The following TMCC3 variants were observed in gnomAD, a reference collection of about 807,000 sequenced individuals.
The protein encoded by TMCC3 is transmembrane and coiled-coil domain family 3, also known as transmembrane and coiled-coil domain protein 3.
TMCC3 carries 28 observed loss-of-function variants against 40.2 expected under a neutral mutation model. That is an observed-to-expected ratio of 0.70 (90% CI 0.52 to 0.95). TMCC3 has a LOEUF of 0.95. Ranked by LOEUF, TMCC3 falls within the 40% of genes least tolerant of loss-of-function variation. TMCC3 has a pLI of 0.00. For synonymous variants in TMCC3, 255 were observed against 248.5 expected, an observed-to-expected ratio of 1.03 and a Z score of -0.25; for missense variants, 554 against 615.2, an observed-to-expected ratio of 0.90 and a Z score of 1.05.
chr12:94,631,469 G>A (rs2068933235), intron 1 of TMCC3, among the ~76,000 whole-genome samples: 1 of 152,116 alleles, frequency 6.6e-6, no homozygotes, highest in Admixed American at 6.5e-5. Flanking sequence ...ACACGTAGAG[G>A]GAAAATGATG....
intron 1 of TMCC3, among the ~76,000 whole-genome samples, chr12:94,623,634 C>A (rs2625939): frequency 1.3e-5 from 2 of 152,202 alleles, no homozygotes; most frequent in African/African-American, 4.8e-5. Flanking sequence ...GCTACACCCA[C>A]GTACAACTAC....
rs1566322314 is a variant in TMCC3, at chr12:94,597,157, ATGT to A, written c.79-14622_79-14620del. On this transcript the variant is annotated intron_variant, in intron 1 of 3. Coordinates refer to ENST00000261226, the MANE Select transcript of TMCC3 (RefSeq NM_020698.4). ...TATATATATATATATATATATATAT[ATGT>A]ATATAAATTAGCCAGGCCTGCTGGC... is the stretch of plus-strand genomic sequence containing the variant. Among the ~76,000 whole-genome samples, 36 of 23,948 alleles carry A rather than the reference ATGT, an allele frequency of 1.5e-3. No individual in the cohort carries two copies. In the South Asian group the frequency reaches 0.016, roughly 11 times the overall value. 15.7% of individuals were successfully genotyped at this position (23,948 alleles called of 152,430 possible). A position where few individuals can be genotyped will look rare whatever the true frequency, so the allele number is the denominator to read the frequency against.
chr12:94,581,463 C>T (rs2068600519), intron 2 of TMCC3, among the ~76,000 whole-genome samples, 159 bp downstream of exon 2: 1 of 152,070 alleles, frequency 6.6e-6, no homozygotes, highest in African/African-American at 2.4e-5. Context: ...AATCTCTCTG[C>T]AGTAACTCAT....
intron 3 of TMCC3, among the ~76,000 whole-genome samples, chr12:94,576,167 A>G (rs1249954055): frequency 6.6e-6 from 1 of 152,186 alleles, no homozygotes; most frequent in Non-Finnish European, 1.5e-5. Flanking sequence ...ACAGGGCCAG[A>G]AACCTCCCAA....
Position 94,650,553 on chromosome 12 carries a change from C to T in TMCC3, c.-123G>A, listed in dbSNP as rs2069052119. ...GGCGGCGCGGCTGCTGCAGCTGTTG[C>T]CTCTGGTGCCAACACCCGCGCGGCC... On this transcript the variant is annotated 5_prime_UTR_variant, in exon 1 of 4. Transcript: ENST00000261226. 2 of 778,314 alleles carry T rather than the reference C, an allele frequency of 2.6e-6. No individual in the cohort carries two copies. Among genetic ancestry groups the T allele is most frequent in the Non-Finnish European group, 3.4e-6 (2 of 589,574 alleles). 48.2% of individuals were successfully genotyped at this position (778,314 alleles called of 1,614,324 possible). A position where few individuals can be genotyped will look rare whatever the true frequency, so the allele number is the denominator to read the frequency against.
chr12:94,594,237 T>TGA (rs1333213559), intron 1 of TMCC3, among the ~76,000 whole-genome samples: 1 of 118,016 alleles, frequency 8.5e-6, no homozygotes, highest in Non-Finnish European at 1.8e-5. Context: ...ACACACAGAG[T>TGA]GAGAGAGAGA....
intron 1 of TMCC3, among the ~76,000 whole-genome samples, chr12:94,633,540 G>A (rs2138878335): frequency 6.6e-6 from 1 of 152,240 alleles, no homozygotes; most frequent in Middle Eastern, 3.4e-3. Context: ...TTTTCTCCAG[G>A]CACCAAACAT....
intron 2 of TMCC3, 70 bp downstream of exon 2, chr12:94,581,551 TA>T: frequency 9.1e-7 from 1 of 1,104,056 alleles, no homozygotes; most frequent in Non-Finnish European, 1.2e-6. Flanking sequence ...AATGAAAAAA[TA>T]AAATAACATA....
intron 1 of TMCC3, among the ~76,000 whole-genome samples, chr12:94,628,005 C>T (rs1265753252): frequency 1.3e-5 from 2 of 152,222 alleles, no homozygotes; most frequent in East Asian, 3.9e-4. Context: ...ATTTTAAGTA[C>T]AATCCACATC....
At chr12:94,631,106 C>A (rs2068931303) in intron 1 of TMCC3, among the ~76,000 whole-genome samples, 1 of 152,158 alleles carries the variant, frequency 6.6e-6, no homozygotes, top group South Asian at 2.1e-4. Flanking sequence ...ATTTTTATAA[C>A]ATTGATGGTT....
At chr12:94,589,412 C>T (rs534257843) in intron 1 of TMCC3, among the ~76,000 whole-genome samples, 10 of 151,936 alleles carry the variant, frequency 6.6e-5, no homozygotes, top group African/African-American at 1.9e-4. Flanking sequence ...GGGCCTCTAC[C>T]GTCTGGACGT....
chr12:94,645,765 G>A (rs1240646851), intron 1 of TMCC3, among the ~76,000 whole-genome samples: 1 of 152,114 alleles, frequency 6.6e-6, no homozygotes, highest in Non-Finnish European at 1.5e-5. Flanking sequence ...ATACTTACTG[G>A]TTGAGCATTC....
intron 1 of TMCC3, among the ~76,000 whole-genome samples, chr12:94,643,284 G>C (rs1192843638): frequency 6.6e-6 from 1 of 152,128 alleles, no homozygotes; most frequent in Admixed American, 6.5e-5. Flanking sequence ...TTCTGCAGGG[G>C]ACACAAGAAG....
intron 1 of TMCC3, among the ~76,000 whole-genome samples, chr12:94,632,060 C>T (rs1019435143): frequency 6.6e-6 from 1 of 152,182 alleles, no homozygotes; most frequent in Admixed American, 6.5e-5. Context: ...AAAAAGGCTG[C>T]GTATCACATG....
At position 94,626,426 on chromosome 12, in the gene TMCC3, T is replaced by C. The variant is rs191293523; in HGVS notation, c.78+23927A>G. On this transcript the variant is annotated intron_variant, in intron 1 of 3. Transcript: ENST00000261226. ...AACACAGAAACAAGAGTACATGTCT[T>C]CCCTGATTAGACTTATTTAAATTAA... is the stretch of plus-strand genomic sequence containing the variant. Among the ~76,000 whole-genome samples, 498 of 152,348 alleles carry C rather than the reference T, an allele frequency of 3.3e-3. 7 individuals are homozygous for C. Among genetic ancestry groups the C allele is most frequent in the African/African-American group, 0.011 (474 of 41,580 alleles).
intron 1 of TMCC3, among the ~76,000 whole-genome samples, chr12:94,622,246 C>T (rs753568299): frequency 2.1e-4 from 32 of 152,140 alleles, no homozygotes; most frequent in African/African-American, 7.7e-4. Context: ...GGAAACCAAA[C>T]CCCCCAAGCT....
chr12:94,621,312 C>T (rs1315138788), intron 1 of TMCC3, among the ~76,000 whole-genome samples: 1 of 152,212 alleles, frequency 6.6e-6, no homozygotes, highest in Non-Finnish European at 1.5e-5. Context: ...CTGGCTCCTT[C>T]GAGGAAGTGA....
chr12:94,590,087 T>C (rs1156657685), intron 1 of TMCC3, among the ~76,000 whole-genome samples: 1 of 108,914 alleles, frequency 9.2e-6, no homozygotes, highest in African/African-American at 3.4e-5. Context: ...AGGTCTGATA[T>C]AGTCTATAAA....
intron 1 of TMCC3, among the ~76,000 whole-genome samples, chr12:94,628,468 G>A (rs17022950): frequency 6.6e-6 from 1 of 152,270 alleles, no homozygotes; most frequent in Admixed American, 6.5e-5. Flanking sequence ...ACCAATGACA[G>A]GCACACGGGT....
Sources: allele counts gnomAD v4.1 joint callset (sites outside exome capture counted in the v4.1 genomes callset), GRCh38; gene constraint gnomAD v4.1.1; transcripts MANE v1.5; gene names NCBI Gene and HGNC (gene_info 2026-07-23, HGNC 2026-07-21).